Variants in BBX observed in about 807,000 individuals in gnomAD.
The protein encoded by BBX is BBX high mobility group box domain containing, also known as HMG box transcription factor BBX.
In BBX, 30 loss-of-function variants were observed where a neutral mutation model predicts 100.2. That is an observed-to-expected ratio of 0.30 (90% CI 0.22 to 0.41). The LOEUF is 0.41. Ranked by LOEUF, BBX falls within the 10% of genes least tolerant of loss-of-function variation. The pLI, the probability that BBX is intolerant of heterozygous loss-of-function variation, is 1.00. For synonymous variants in BBX, 376 were observed against 388.1 expected (o/e 0.97, Z 0.37); for missense variants, 1,023 against 1,129.8 (o/e 0.91, Z 1.35).
chr3:107,561,693 A>G (rs2050512770), intron 2 of BBX, among the ~76,000 whole-genome samples: 1 of 152,222 alleles, frequency 6.6e-6, no homozygotes, highest in Non-Finnish European at 1.5e-5. Context: ...CAAAAATATG[A>G]CAATATCTGC....
chr3:107,701,829 G>C (rs1228340660), intron 3 of BBX, among the ~76,000 whole-genome samples: 1 of 151,732 alleles, frequency 6.6e-6, no homozygotes, highest in African/African-American at 2.4e-5. Flanking sequence ...AAAAAAAAGG[G>C]GATAATAGTA....
At chr3:107,799,449 T>C (rs1476862424) in intron 16 of BBX, among the ~76,000 whole-genome samples, 5 of 152,202 alleles carry the variant, frequency 3.3e-5, no homozygotes, top group Admixed American at 2.6e-4. Flanking sequence ...CAAGAGCATA[T>C]CTGAATTCCT....
At chr3:107,705,481 C>T (rs2061339968) in intron 3 of BBX, among the ~76,000 whole-genome samples, 1 of 152,120 alleles carries the variant, frequency 6.6e-6, no homozygotes, top group Non-Finnish European at 1.5e-5. Context: ...ATGACGGTGC[C>T]AAGGCACTGT....
intron 10 of BBX, among the ~76,000 whole-genome samples, chr3:107,769,892 G>A (rs10511264): frequency 0.16 from 24,707 of 152,054 alleles, 2,590 homozygotes; most frequent in South Asian, 0.36. Context: ...GTCTGATTGG[G>A]TTTTCGGTTA....
rs2069960597 is a variant in BBX, at chr3:107,798,233, G to T, written c.2354-290G>T. The stretch of plus-strand genomic sequence containing the variant: ...TTTACAAGAGGACATAATTTACTCA[G>T]ATTTACCTAAATTATCGTCCCCACC... On this transcript the variant is annotated intron_variant, in intron 15 of 17. Transcript: ENST00000325805. Among the ~76,000 whole-genome samples the T allele has an allele frequency of 2.6e-5, 4 of 152,198 alleles. No homozygotes were observed. The South Asian group carries it at 6.2e-4, about 24-fold the overall frequency.
intron 3 of BBX, among the ~76,000 whole-genome samples, chr3:107,697,621 A>C (rs1047439288): frequency 6.6e-6 from 1 of 151,848 alleles, no homozygotes; most frequent in Admixed American, 6.5e-5. Context: ...AGGGACATTT[A>C]AGTCTGAGGA....
At chr3:107,525,736 C>T (rs1483509293) in intron 1 of BBX, among the ~76,000 whole-genome samples, 1 of 152,204 alleles carries the variant, frequency 6.6e-6, no homozygotes, top group South Asian at 2.1e-4. Flanking sequence ...CTGCACTTGC[C>T]GCTGTGGGCT....
chr3:107,750,027 G>C (rs1038017284), intron 9 of BBX, among the ~76,000 whole-genome samples: 1 of 152,162 alleles, frequency 6.6e-6, no homozygotes, highest in African/African-American at 2.4e-5. Flanking sequence ...TGGTGTAATA[G>C]CCACCATCCT....
At chr3:107,772,140 C>T (rs765170777) in intron 10 of BBX, among the ~76,000 whole-genome samples, 3 of 152,116 alleles carry the variant, frequency 2.0e-5, no homozygotes, top group African/African-American at 7.2e-5. Flanking sequence ...TCAAGCATTT[C>T]GGATAAGGGA....
At chr3:107,582,299 T>G (rs2052344742) in intron 2 of BBX, among the ~76,000 whole-genome samples, 1 of 152,022 alleles carries the variant, frequency 6.6e-6, no homozygotes, top group African/African-American at 2.4e-5. Flanking sequence ...AGCTTTTTTT[T>G]TTTAAACACA....
At chr3:107,620,492 T>A (rs1203627549) in intron 2 of BBX, among the ~76,000 whole-genome samples, 1 of 152,212 alleles carries the variant, frequency 6.6e-6, no homozygotes, top group Non-Finnish European at 1.5e-5. Context: ...TGTGAGACTG[T>A]GGATTTTACT....
At chr3:107,743,150 CATTTT>C (rs1397006381) in intron 7 of BBX, among the ~76,000 whole-genome samples, 1 of 151,976 alleles carries the variant, frequency 6.6e-6, no homozygotes, top group Admixed American at 6.6e-5. Flanking sequence ...TTTATGAAGA[CATTTT>C]ATAATTTTCA....
chr3:107,525,590 C>T (rs1479816790), intron 1 of BBX: 1 of 152,340 alleles, frequency 6.6e-6, no homozygotes, highest in Non-Finnish European at 1.5e-5. Flanking sequence ...GTCTTGTCAG[C>T]CTTTAAGATC....
At chr3:107,749,167 A>C (rs908565190) in intron 9 of BBX, among the ~76,000 whole-genome samples, 1 of 152,226 alleles carries the variant, frequency 6.6e-6, no homozygotes, top group African/African-American at 2.4e-5. Context: ...TTTCATGAAG[A>C]ATAATTTGCT....
intron 3 of BBX, among the ~76,000 whole-genome samples, chr3:107,649,625 C>T (rs756215382): frequency 4.8e-5 from 7 of 146,944 alleles, no homozygotes; most frequent in African/African-American, 9.8e-5. Context: ...GATAGACATC[C>T]GACAGTGCAT....
intron 10 of BBX, among the ~76,000 whole-genome samples, chr3:107,757,665 C>G (rs1458007398): frequency 1.3e-5 from 2 of 152,170 alleles, no homozygotes; most frequent in African/African-American, 2.4e-5. Flanking sequence ...AGTATATGCA[C>G]AATGGATTAA....
At chr3:107,665,665 A>G (rs1479567904) in intron 3 of BBX, among the ~76,000 whole-genome samples, 2 of 152,056 alleles carry the variant, frequency 1.3e-5, no homozygotes, top group East Asian at 3.9e-4. Flanking sequence ...TTATCAGGCA[A>G]CCCAGGCATT....
intron 2 of BBX, among the ~76,000 whole-genome samples, chr3:107,565,961 G>A (rs1234573845): frequency 6.6e-6 from 1 of 151,450 alleles, no homozygotes; most frequent in Non-Finnish European, 1.5e-5. Context: ...ATCACCTGAG[G>A]TGAGGAGCTC....
chr3:107,764,580 T>G (rs1380696095), intron 10 of BBX, among the ~76,000 whole-genome samples: 2 of 152,226 alleles, frequency 1.3e-5, no homozygotes, highest in African/African-American at 4.8e-5. Context: ...AACATTAACA[T>G]TTTAACTTCT....
Sources: allele counts gnomAD v4.1 joint callset (sites outside exome capture counted in the v4.1 genomes callset), GRCh38; gene constraint gnomAD v4.1.1; transcripts MANE v1.5; gene names NCBI Gene and HGNC (gene_info 2026-07-23, HGNC 2026-07-21).